COMMD6: variants seen among roughly 807,000 people sequenced by gnomAD.
The protein encoded by COMMD6 is COMM domain containing 6.
A neutral mutation model predicts 13.4 loss-of-function variants in COMMD6; 11 were observed. That is an observed-to-expected ratio of 0.82 (90% CI 0.52 to 1.36). COMMD6 has a LOEUF of 1.36. Among genes scored for constraint, COMMD6 ranks in the 40% most tolerant of loss-of-function variants. COMMD6 has a pLI of 0.00. For synonymous variants in COMMD6, 43 were observed against 36.5 expected, an observed-to-expected ratio of 1.18 and a Z score of -0.64; for missense variants, 124 against 102.4, an observed-to-expected ratio of 1.21 and a Z score of -0.91.
chr13:75,539,791 A>C (rs1261321299), upstream of COMMD6, among the ~76,000 whole-genome samples: 1 of 152,002 alleles, frequency 6.6e-6, no homozygotes. Flanking sequence ...ACCAAAAAAC[A>C]AACAAAAAAA....
chr13:75,547,511 AGAACCAGTGAT>A (rs1163504546), intron 1 of COMMD6, among the ~76,000 whole-genome samples: 2 of 152,248 alleles, frequency 1.3e-5, no homozygotes, highest in Non-Finnish European at 2.9e-5. Context: ...TTAAAAAATT[AGAACCAGTGAT>A]GCCCAATCTT....
At chr13:75,541,049 T>C (rs967972906), upstream of COMMD6, among the ~76,000 whole-genome samples, 1 of 152,206 alleles carries the variant, frequency 6.6e-6, no homozygotes, top group African/African-American at 2.4e-5. Flanking sequence ...CTGCATATAC[T>C]CAAGTCCTAC....
intron 3 of COMMD6, among the ~76,000 whole-genome samples, chr13:75,529,334 C>T (rs2030381305): frequency 1.3e-5 from 2 of 152,074 alleles, no homozygotes; most frequent in African/African-American, 4.8e-5. Context: ...TCCTGGCTAA[C>T]ATGGTGAAAC....
At chr13:75,528,033 A>G (rs1423422944) in intron 3 of COMMD6, among the ~76,000 whole-genome samples, 1 of 145,480 alleles carries the variant, frequency 6.9e-6, no homozygotes, top group African/African-American at 2.5e-5. Context: ...ACACACACAC[A>G]TACATGCACA....
chr13:75,527,547 TAA>T (rs918729460), intron 3 of COMMD6, among the ~76,000 whole-genome samples: 1 of 152,182 alleles, frequency 6.6e-6, no homozygotes, highest in African/African-American at 2.4e-5. Context: ...AAACTCTCTT[TAA>T]AAGAGTTGCC....
chr13:75,533,211 C>T (rs1043709575), intron 2 of COMMD6, among the ~76,000 whole-genome samples: 9 of 151,922 alleles, frequency 5.9e-5, no homozygotes, highest in Admixed American at 2.6e-4. Flanking sequence ...GGATTACAGG[C>T]GGGAGCCATC....
At chr13:75,528,005 A>ACG (rs1252512122) in intron 3 of COMMD6, among the ~76,000 whole-genome samples, 4 of 1,730 alleles carry the variant, frequency 2.3e-3, no homozygotes, top group Non-Finnish European at 4.8e-3. Context: ...CCCTCAGCAC[A>ACG]CACACACACA....
At chr13:75,538,027 T>C, upstream of COMMD6, 1 of 460,920 alleles carries the variant, frequency 2.2e-6, no homozygotes, top group Non-Finnish European at 3.8e-6. Flanking sequence ...GCCAAAGATT[T>C]GGGAGATACT....
At chr13:75,528,703 G>A (rs146196026) in intron 3 of COMMD6, among the ~76,000 whole-genome samples, 52 of 151,988 alleles carry the variant, frequency 3.4e-4, no homozygotes, top group African/African-American at 1.2e-3. Context: ...TTAGCTGGGC[G>A]TGGTGCTGCG....
At chr13:75,538,649 A>G (rs1429112265), upstream of COMMD6, 1 of 152,206 alleles carries the variant, frequency 6.6e-6, no homozygotes, top group East Asian at 1.9e-4. Flanking sequence ...TTCAACTATC[A>G]CATTCAGGAA....
upstream of COMMD6, among the ~76,000 whole-genome samples, chr13:75,541,369 C>G (rs182920520): frequency 3.3e-5 from 5 of 151,992 alleles, no homozygotes; most frequent in East Asian, 7.8e-4. Flanking sequence ...GTGGTATGGC[C>G]TTCTGCTTGA....
chr13:75,529,941 A>T, intron 3 of COMMD6, 173 bp downstream of exon 3: 1 of 553,566 alleles, frequency 1.8e-6, no homozygotes, highest in Non-Finnish European at 3.2e-6. Context: ...ATAATTTATC[A>T]AATTCCCAAA....
At chr13:75,532,419 A>G (rs1254601268) in intron 2 of COMMD6, among the ~76,000 whole-genome samples, 2 of 152,234 alleles carry the variant, frequency 1.3e-5, no homozygotes, top group Non-Finnish European at 2.9e-5. Context: ...AATTGAGGAA[A>G]ATGTGTTTTA....
chr13:75,541,210 A>G (rs143707583), upstream of COMMD6, among the ~76,000 whole-genome samples: 51 of 152,296 alleles, frequency 3.3e-4, no homozygotes, highest in African/African-American at 1.0e-3. Flanking sequence ...TCAAGGGTCA[A>G]CTGAAATTCT....
At chr13:75,540,344 C>CCCCACA (rs372640334), upstream of COMMD6, among the ~76,000 whole-genome samples, 12 of 147,276 alleles carry the variant, frequency 8.1e-5, no homozygotes, top group Admixed American at 6.1e-4. Flanking sequence ...ACACACACAC[C>CCCCACA]CACACACACA....
At chr13:75,532,300 T>G (rs919842759) in intron 2 of COMMD6, among the ~76,000 whole-genome samples, 8 of 152,214 alleles carry the variant, frequency 5.3e-5, no homozygotes, top group Admixed American at 3.9e-4. Flanking sequence ...GCAATGTAAG[T>G]CAGTGACTAC....
intron 2 of COMMD6, among the ~76,000 whole-genome samples, chr13:75,536,225 CTT>C (rs1339756837): frequency 5.3e-5 from 8 of 152,158 alleles, no homozygotes; most frequent in African/African-American, 1.9e-4. Context: ...TTTTCCAACT[CTT>C]TATGTCTGAA....
rs1449052180 is a variant in COMMD6 at position 75,537,828 on chromosome 13, C to T, written c.-23G>A. 3.8e-6 allele frequency: 6 copies of T among 1,583,034 alleles called. No homozygotes were observed. Among genetic ancestry groups the T allele is most frequent in the South Asian group, 1.1e-5 (1 of 87,282 alleles). ...CATGGGCAGCGTCTGGGACTTGCGG[C>T]CCGGACTCGAGAGAACGCCCCCAGA... On this transcript the variant is annotated 5_prime_UTR_variant, in exon 1 of 4. Transcript: ENST00000682242.
chr13:75,543,581 C>G (rs1264443117), upstream of COMMD6, among the ~76,000 whole-genome samples: 2 of 152,258 alleles, frequency 1.3e-5, no homozygotes, highest in Non-Finnish European at 2.9e-5. Flanking sequence ...GTGCTGCGAT[C>G]TTGACAGTCA....
Sources: allele counts gnomAD v4.1 joint callset (sites outside exome capture counted in the v4.1 genomes callset), GRCh38; gene constraint gnomAD v4.1.1; transcripts MANE v1.5; gene names NCBI Gene and HGNC (gene_info 2026-07-23, HGNC 2026-07-21).